PTPRM: variants seen among roughly 807,000 people sequenced by gnomAD.
PTPRM encodes the protein receptor-type tyrosine-protein phosphatase mu.
Under a neutral mutation model 186.7 loss-of-function variants are expected in PTPRM, and 47 were observed. The observed-to-expected ratio is 0.25, with a 90% CI of 0.20 to 0.32. The LOEUF is 0.32. Among genes scored for constraint, PTPRM ranks in the 10% least tolerant of loss-of-function variants. The probability of loss-of-function intolerance (pLI) is 1.00; values close to 1 mark genes in which losing one functional copy is unlikely to be tolerated. For synonymous variants in PTPRM, 668 were observed against 674.9 expected (o/e 0.99, Z 0.16); for missense variants, 1,494 against 1,865.0 (o/e 0.80, Z 3.66).
At chr18:7,986,495 G>A (rs912506008) in intron 7 of PTPRM, among the ~76,000 whole-genome samples, 2 of 152,174 alleles carry the variant, frequency 1.3e-5, no homozygotes, top group African/African-American at 4.8e-5. Context: ...TTGTTTTGGT[G>A]AGGATTGGAA....
chr18:7,858,455 G>T (rs2047193682), intron 2 of PTPRM, among the ~76,000 whole-genome samples: 1 of 152,108 alleles, frequency 6.6e-6, no homozygotes, highest in South Asian at 2.1e-4. Flanking sequence ...CTATTCTGGA[G>T]GCTGAGGTGG....
At chr18:8,400,890 G>A (rs996703828) in intron 32 of PTPRM, among the ~76,000 whole-genome samples, 1 of 152,220 alleles carries the variant, frequency 6.6e-6, no homozygotes, top group African/African-American at 2.4e-5. Flanking sequence ...GTGTGTGCAT[G>A]TGTTGGGGTG....
At chr18:7,703,430 A>T (rs1021803431) in intron 1 of PTPRM, among the ~76,000 whole-genome samples, 2 of 152,218 alleles carry the variant, frequency 1.3e-5, no homozygotes, top group African/African-American at 2.4e-5. Context: ...TTCTCTTTGT[A>T]GCAATTGTGA....
intron 19 of PTPRM, among the ~76,000 whole-genome samples, chr18:8,279,738 T>A (rs1316091320): frequency 6.6e-6 from 1 of 152,084 alleles, no homozygotes; most frequent in African/African-American, 2.4e-5. Context: ...GCAGAGATTG[T>A]CTGTGTGTAT....
intron 14 of PTPRM, among the ~76,000 whole-genome samples, chr18:8,209,415 A>G (rs1047880547): frequency 6.6e-6 from 1 of 152,154 alleles, no homozygotes; most frequent in Non-Finnish European, 1.5e-5. Flanking sequence ...GATGTCTCTG[A>G]GGTTTTCAGC....
rs1247162246 is a variant in PTPRM, at chr18:8,289,471, CACATATGTATATATAT to C, written c.2755-6890_2755-6875del. On this transcript the variant is annotated intron_variant, in intron 19 of 32. Transcript: ENST00000580170. ...ATATATGTATATACATATATATACA[CACATATGTATATATAT>C]ACATATATGTATATATGTGTGTGTA... is the stretch of plus-strand genomic sequence containing the variant. Among the ~76,000 whole-genome samples, 145 of 72,230 alleles carry C rather than the reference CACATATGTATATATAT, an allele frequency of 2.0e-3. 3 individuals carry two copies. Among genetic ancestry groups the C allele is most frequent in the African/African-American group, 6.3e-3 (77 of 12,266 alleles). 47.4% of individuals were successfully genotyped at this position (72,230 alleles called of 152,430 possible). A position where few individuals can be genotyped will look rare whatever the true frequency, so the allele number is the denominator to read the frequency against.
intron 2 of PTPRM, among the ~76,000 whole-genome samples, chr18:7,787,704 C>G (rs1415888210): frequency 6.6e-6 from 1 of 152,178 alleles, no homozygotes; most frequent in East Asian, 1.9e-4. Context: ...GTTGTATATG[C>G]CACTGAGATT....
At chr18:7,909,258 T>C (rs895966170) in intron 4 of PTPRM, among the ~76,000 whole-genome samples, 3 of 152,234 alleles carry the variant, frequency 2.0e-5, no homozygotes, top group Non-Finnish European at 2.9e-5. Context: ...GTTCTTCCCA[T>C]AGGAGAGAGC....
intron 7 of PTPRM, among the ~76,000 whole-genome samples, chr18:8,022,505 T>G (rs2085297455): frequency 6.6e-6 from 1 of 152,178 alleles, no homozygotes; most frequent in Non-Finnish European, 1.5e-5. Context: ...CCTGGCACAG[T>G]TGTGAATCTG....
chr18:7,818,693 G>A (rs923102442), intron 2 of PTPRM, among the ~76,000 whole-genome samples: 1 of 152,210 alleles, frequency 6.6e-6, no homozygotes, highest in African/African-American at 2.4e-5. Context: ...AGTTGTGGTT[G>A]AAATTAAACA....
At chr18:7,998,783 T>G (rs1196346849) in intron 7 of PTPRM, among the ~76,000 whole-genome samples, 1 of 152,138 alleles carries the variant, frequency 6.6e-6, no homozygotes, top group African/African-American at 2.4e-5. Flanking sequence ...GCCTGCTGTG[T>G]AGCTAGAATT....
chr18:7,711,696 A>G (rs2040216704), intron 1 of PTPRM, among the ~76,000 whole-genome samples: 1 of 152,270 alleles, frequency 6.6e-6, no homozygotes, highest in Non-Finnish European at 1.5e-5. Flanking sequence ...TTCCCCTCAC[A>G]GTGTGTAACA....
At chr18:7,787,886 T>G (rs949576692) in intron 2 of PTPRM, among the ~76,000 whole-genome samples, 3 of 152,244 alleles carry the variant, frequency 2.0e-5, no homozygotes, top group African/African-American at 7.2e-5. Flanking sequence ...CATAAACATC[T>G]CTTCCATTGG....
At chr18:7,998,689 G>A (rs1200851151) in intron 7 of PTPRM, among the ~76,000 whole-genome samples, 1 of 151,952 alleles carries the variant, frequency 6.6e-6, no homozygotes, top group Non-Finnish European at 1.5e-5. Context: ...CAATCTTGCT[G>A]TGTTGCCCAG....
At chr18:8,272,398 T>G (rs2094783774) in intron 19 of PTPRM, among the ~76,000 whole-genome samples, 1 of 152,086 alleles carries the variant, frequency 6.6e-6, no homozygotes, top group African/African-American at 2.4e-5. Context: ...TTGCCCTCTT[T>G]TTTTCAAATA....
chr18:8,360,455 G>A (rs1426573469), intron 23 of PTPRM, among the ~76,000 whole-genome samples: 2 of 152,146 alleles, frequency 1.3e-5, no homozygotes, highest in Non-Finnish European at 2.9e-5. Flanking sequence ...CCCTATGCCT[G>A]AATTACAGGT....
At chr18:8,263,684 C>T (rs899455993) in intron 19 of PTPRM, among the ~76,000 whole-genome samples, 5 of 152,064 alleles carry the variant, frequency 3.3e-5, no homozygotes, top group Non-Finnish European at 7.3e-5. Context: ...CACCAACCTC[C>T]AGCGAAGAGG....
At chr18:8,348,941 C>CT (rs1938295560) in intron 23 of PTPRM, among the ~76,000 whole-genome samples, 1 of 152,144 alleles carries the variant, frequency 6.6e-6, no homozygotes, top group Non-Finnish European at 1.5e-5. Context: ...CTGTGGACCT[C>CT]TATCACAGTA....
At chr18:8,039,669 A>G (rs1474117582) in intron 7 of PTPRM, among the ~76,000 whole-genome samples, 1 of 152,204 alleles carries the variant, frequency 6.6e-6, no homozygotes, top group African/African-American at 2.4e-5. Context: ...TGTAGTGAGA[A>G]TACTTAAAAT....
Sources: allele counts gnomAD v4.1 joint callset (sites outside exome capture counted in the v4.1 genomes callset), GRCh38; gene constraint gnomAD v4.1.1; transcripts MANE v1.5; gene names NCBI Gene and HGNC (gene_info 2026-07-23, HGNC 2026-07-21).